The following PACSIN2 variants were observed in gnomAD, a reference collection of about 807,000 sequenced individuals.
PACSIN2 encodes the protein protein kinase C and casein kinase substrate in neurons protein 2.
A neutral mutation model predicts 63.8 loss-of-function variants in PACSIN2; 25 were observed. The ratio of observed to expected loss-of-function variants is 0.39; its 90% confidence interval spans 0.29 to 0.55. The LOEUF (loss-of-function observed/expected upper bound fraction) is 0.55. Ranked by LOEUF, PACSIN2 falls within the 20% of genes least tolerant of loss-of-function variation. The pLI, the probability that PACSIN2 is intolerant of heterozygous loss-of-function variation, is 0.62. For missense variants in PACSIN2, 518 were observed against 646.9 expected (o/e 0.80, Z 2.16); for synonymous variants, 255 against 256.2 (o/e 1.00, Z 0.05).
chr22:42,965,091 A>G (rs1009288490), intron 1 of PACSIN2, among the ~76,000 whole-genome samples: 1 of 152,186 alleles, frequency 6.6e-6, no homozygotes, highest in African/African-American at 2.4e-5. Context: ...GCTGAAAACC[A>G]CTCGGCAATA....
chr22:42,930,426 G>A (rs1458255450), intron 1 of PACSIN2, among the ~76,000 whole-genome samples: 1 of 152,124 alleles, frequency 6.6e-6, no homozygotes, highest in Non-Finnish European at 1.5e-5. Flanking sequence ...TCCTGTCCTC[G>A]TGTCTCACGC....
intron 3 of PACSIN2, 49 bp from the exon 4 acceptor site, chr22:42,891,231 G>C (rs80155340): frequency 3.1e-6 from 4 of 1,285,980 alleles, no homozygotes; most frequent in Non-Finnish European, 4.5e-6. Flanking sequence ...GCCATGGTGG[G>C]GTCTGCTCTG....
At chr22:43,003,733 A>C (rs186519534) in intron 1 of PACSIN2, among the ~76,000 whole-genome samples, 1 of 152,310 alleles carries the variant, frequency 6.6e-6, no homozygotes, top group East Asian at 1.9e-4. Flanking sequence ...ACAGAAACAC[A>C]ATTTCTTCTC....
At chr22:43,008,796 G>A (rs942063964) in intron 1 of PACSIN2, among the ~76,000 whole-genome samples, 36 of 152,318 alleles carry the variant, frequency 2.4e-4, no homozygotes, top group Admixed American at 2.2e-3. Context: ...GACATACTTG[G>A]ATAGGACAAG....
intron 1 of PACSIN2, among the ~76,000 whole-genome samples, chr22:42,940,022 T>C (rs1047852620): frequency 6.6e-6 from 1 of 152,198 alleles, no homozygotes; most frequent in African/African-American, 2.4e-5. Context: ...TTACTGGGTT[T>C]CTAAAATGGA....
In PACSIN2 at chr22:42,871,221, T is replaced by C; in HGVS notation, c.*136A>G. On this transcript the variant is annotated 3_prime_UTR_variant, in exon 11 of 11. Coordinates refer to ENST00000263246, the MANE Select transcript of PACSIN2 (RefSeq NM_001184970.3). The surrounding 1 kb of genome is among the most constrained non-coding windows in gnomAD (Gnocchi z 5.4). Reference sequence around the variant, plus strand: ...TCCCAGGCGAAATGACCAGCTCATCTGCCTTCCAGGAACACCATGAAGCCA... The same window carrying C: ...TCCCAGGCGAAATGACCAGCTCATCCGCCTTCCAGGAACACCATGAAGCCA... 3 of 656,270 alleles carry C rather than the reference T, an allele frequency of 4.6e-6. No individual in the cohort carries two copies. Among genetic ancestry groups the C allele is most frequent in the East Asian group, 5.4e-5 (2 of 36,764 alleles). The allele number at this position is 656,270 out of a possible 1,614,324, so 40.7% of individuals were successfully genotyped here. A position where few individuals can be genotyped will look rare whatever the true frequency, so the allele number is the denominator to read the frequency against.
chr22:42,887,893 C>T (rs1174705789), intron 5 of PACSIN2, among the ~76,000 whole-genome samples: 3 of 152,146 alleles, frequency 2.0e-5, no homozygotes, highest in Non-Finnish European at 4.4e-5. Context: ...GTCACGGTCT[C>T]TCCTTGGCCA....
intron 8 of PACSIN2, among the ~76,000 whole-genome samples, chr22:42,877,714 C>T (rs1477204382): frequency 6.6e-6 from 1 of 152,186 alleles, no homozygotes; most frequent in Non-Finnish European, 1.5e-5. Flanking sequence ...AGCTGAGTTA[C>T]ACACTACGAA....
At chr22:42,971,842 GGA>G (rs767115003) in intron 1 of PACSIN2, among the ~76,000 whole-genome samples, 343 of 150,390 alleles carry the variant, frequency 2.3e-3, no homozygotes, top group South Asian at 5.1e-3. Flanking sequence ...CGTCCGGGAG[GGA>G]GGTGGGGGGC....
At chr22:42,885,077 C>T (rs556462975) in intron 5 of PACSIN2, among the ~76,000 whole-genome samples, 6 of 152,330 alleles carry the variant, frequency 3.9e-5, no homozygotes, top group Admixed American at 3.3e-4. Flanking sequence ...GTCTTTCAGC[C>T]CACTCCATCC....
At chr22:43,006,776 T>C (rs1178508433) in intron 1 of PACSIN2, among the ~76,000 whole-genome samples, 2 of 152,004 alleles carry the variant, frequency 1.3e-5, no homozygotes, top group Non-Finnish European at 2.9e-5. Context: ...AATCGCACCA[T>C]TGTACTCCAG....
intron 2 of PACSIN2, among the ~76,000 whole-genome samples, chr22:42,902,085 G>A (rs766765117): frequency 5.3e-5 from 8 of 152,226 alleles, no homozygotes; most frequent in Non-Finnish European, 7.3e-5. Context: ...GAAGGGCCAC[G>A]AGGCCCTAGG....
At chr22:42,954,614 A>T (rs1344101289) in intron 1 of PACSIN2, among the ~76,000 whole-genome samples, 1 of 152,184 alleles carries the variant, frequency 6.6e-6, no homozygotes, top group Non-Finnish European at 1.5e-5. Flanking sequence ...GACTGGTCTC[A>T]ATGACTTTTT....
chr22:42,893,675 C>T, intron 2 of PACSIN2, 62 bp from the exon 3 acceptor site: 7 of 1,552,002 alleles, frequency 4.5e-6, no homozygotes, highest in Non-Finnish European at 6.2e-6. Flanking sequence ...GGCTGTGGCA[C>T]AAATGGCCTC....
At chr22:43,011,452 T>C (rs995793258) in intron 1 of PACSIN2, among the ~76,000 whole-genome samples, 5 of 152,206 alleles carry the variant, frequency 3.3e-5, no homozygotes, top group African/African-American at 1.2e-4. Flanking sequence ...TAAATGCCAC[T>C]GCGAACTCTA....
At chr22:42,980,554 C>CTG (rs1922025913) in intron 1 of PACSIN2, among the ~76,000 whole-genome samples, 1 of 137,304 alleles carries the variant, frequency 7.3e-6, no homozygotes, top group African/African-American at 2.7e-5. Flanking sequence ...CTGGACGGTA[C>CTG]TGCTGCCATC....
At chr22:42,950,994 G>A (rs1183357722) in intron 1 of PACSIN2, among the ~76,000 whole-genome samples, 1 of 152,120 alleles carries the variant, frequency 6.6e-6, no homozygotes, top group Non-Finnish European at 1.5e-5. Flanking sequence ...GGGTCTACCT[G>A]GACATATGGT....
At chr22:42,991,217 A>G (rs1480303558) in intron 1 of PACSIN2, among the ~76,000 whole-genome samples, 1 of 152,194 alleles carries the variant, frequency 6.6e-6, no homozygotes, top group African/African-American at 2.4e-5. Flanking sequence ...TTGTGACTGA[A>G]GGGAAAAGAA....
chr22:42,900,270 G>A (rs966783263), intron 2 of PACSIN2, among the ~76,000 whole-genome samples: 2 of 152,042 alleles, frequency 1.3e-5, no homozygotes, highest in Non-Finnish European at 2.9e-5. Flanking sequence ...AAATTGCCTC[G>A]AGCACATTAG....
Sources: allele counts gnomAD v4.1 joint callset (sites outside exome capture counted in the v4.1 genomes callset), GRCh38; gene constraint gnomAD v4.1.1; non-coding constraint Gnocchi (gnomAD v3.1); transcripts MANE v1.5; gene names NCBI Gene and HGNC (gene_info 2026-07-23, HGNC 2026-07-21).